The following KCTD13 variants were observed in gnomAD, a reference collection of about 807,000 sequenced individuals.
KCTD13 encodes BTB/POZ domain-containing adapter for CUL3-mediated RhoA degradation protein 1.
A neutral mutation model predicts 32.3 loss-of-function variants in KCTD13; 15 were observed. That is an observed-to-expected ratio of 0.46 (90% CI 0.31 to 0.71). The LOEUF (loss-of-function observed/expected upper bound fraction) is 0.71. Among genes scored for constraint, KCTD13 ranks in the 30% least tolerant of loss-of-function variants. The pLI is 0.05. For synonymous variants in KCTD13, 189 were observed against 200.1 expected, an observed-to-expected ratio of 0.94 and a Z score of 0.47; for missense variants, 337 against 452.6, an observed-to-expected ratio of 0.74 and a Z score of 2.32.
chr16:29,925,873 G>A lies in KCTD13; in HGVS notation c.161C>T (p.Thr54Ile). 8 of 1,614,100 alleles carry A rather than the reference G, an allele frequency of 5.0e-6. No homozygotes were observed. The highest frequency in any genetic ancestry group is 6.8e-6 in the Non-Finnish European group (8 of 1,179,986). Residue 54 changes from threonine to isoleucine, a missense_variant, in exon 1 of 6, where the codon ACC becomes ATC. By Grantham distance (89) the Thr-to-Ile change is moderately conservative. Around this residue, in one of 3 missense-constraint regions of KCTD13, gnomAD observed 21 missense variants for 52.7 expected, o/e 0.40. Transcript: ENST00000568000. ...KLNVGGSLHYTTLRTLTGQDT... is the reference protein window; with the variant it reads ...KLNVGGSLHYITLRTLTGQDT... ...CTGTCCCGTGAGGGTGCGCAGCGTG[G>A]TGTAGTGCAACGAGCCGCCCACGTT... is the stretch of plus-strand genomic sequence containing the variant.
intron 5 of KCTD13, among the ~76,000 whole-genome samples, chr16:29,909,353 A>G (rs1306203118): frequency 6.6e-6 from 1 of 152,244 alleles, no homozygotes; most frequent in Non-Finnish European, 1.5e-5. Flanking sequence ...ATAGAAGGAA[A>G]GAATTCCAAG....
chr16:29,910,059 T>C (rs889000351), intron 5 of KCTD13, among the ~76,000 whole-genome samples: 4 of 146,790 alleles, frequency 2.7e-5, no homozygotes, highest in Non-Finnish European at 4.5e-5. Flanking sequence ...GATCACACCA[T>C]TGCACTGCAG....
At chr16:29,919,689 C>CA (rs2068872897) in intron 2 of KCTD13, 1 of 151,980 alleles carries the variant, frequency 6.6e-6, no homozygotes, top group Non-Finnish European at 1.5e-5. Flanking sequence ...TTAACAACAA[C>CA]AAAAAACAGA....
At chr16:29,925,760 G>GA (rs5816505) in intron 1 of KCTD13, 30 bp downstream of exon 1, 847,241 of 1,601,152 alleles carry the variant, frequency 0.53, 227,259 homozygotes, top group Non-Finnish European at 0.55. Context: ...GGGGTCTGGG[G>GA]TGGGGGCACG....
chr16:29,926,116 G>A lies in KCTD13; in HGVS notation c.-83C>T, dbSNP rs997981880. The A allele has an allele frequency of 4.3e-6, 6 of 1,399,752 alleles. No individual in the cohort carries two copies. Among genetic ancestry groups the A allele is most frequent in the South Asian group, 1.5e-5 (1 of 65,410 alleles). 86.7% of individuals were successfully genotyped at this position (1,399,752 alleles called of 1,614,324 possible). The stretch of plus-strand genomic sequence containing the variant: ...CCCGAAGACCCTCGGCCGGCCCCCA[G>A]CCCTTGGGCCAGACCGCTCGGCGCA... On this transcript the variant is annotated 5_prime_UTR_variant, in exon 1 of 6. Coordinates refer to ENST00000568000, the MANE Select transcript of KCTD13 (RefSeq NM_178863.5).
intron 1 of KCTD13, among the ~76,000 whole-genome samples, chr16:29,923,849 C>T (rs990742938): frequency 1.3e-5 from 2 of 150,390 alleles, no homozygotes; most frequent in Admixed American, 6.6e-5. Flanking sequence ...AGGGAAACTC[C>T]GTCTCAAAAC....
chr16:29,924,522 A>G (rs1365530669), intron 1 of KCTD13, among the ~76,000 whole-genome samples: 1 of 152,172 alleles, frequency 6.6e-6, no homozygotes, highest in African/African-American at 2.4e-5. Context: ...AGAGCTTACT[A>G]TCAAAAAAAG....
chr16:29,922,941 G>T, intron 2 of KCTD13: 1 of 491,344 alleles, frequency 2.0e-6, no homozygotes, highest in South Asian at 4.2e-5. Context: ...CAGCTGGACT[G>T]GCTGCATAGG....
At chr16:29,925,496 AG>A (rs2150847884) in intron 1 of KCTD13, 1 of 468,332 alleles carries the variant, frequency 2.1e-6, no homozygotes, top group African/African-American at 2.0e-5. Context: ...AGGGTGGGAG[AG>A]GTGGTCATGA....
rs1374397633 is a variant in KCTD13, at chr16:29,911,008, A to G, written c.723T>C (p.Ile241=). 6.2e-7 allele frequency: 1 copy of G among 1,613,898 alleles called. No homozygotes were observed. The highest frequency in any genetic ancestry group is 1.3e-5 in the African/African-American group (1 of 74,868). The change falls in exon 5 of 6, where the codon ATT becomes ATC. Residue 241 remains isoleucine, a synonymous_variant. Coordinates refer to ENST00000568000, the MANE Select transcript of KCTD13 (RefSeq NM_178863.5). The part of the protein sequence containing the change: ...RKIAEVCCTS[I]VYATEKKQTK... ...TCTGCTTCTTCTCCGTAGCATAGAC[A>G]ATGGAGGTGCAGCACACCTCGGCGA... is the stretch of plus-strand genomic sequence containing the variant.
chr16:29,917,145 G>A (rs2068824201), intron 2 of KCTD13, among the ~76,000 whole-genome samples: 1 of 152,126 alleles, frequency 6.6e-6, no homozygotes. Flanking sequence ...TGGTGTGGGA[G>A]GGGACTGAAC....
At chr16:29,909,725 G>T (rs2068673101) in intron 5 of KCTD13, among the ~76,000 whole-genome samples, 1 of 147,736 alleles carries the variant, frequency 6.8e-6, no homozygotes, top group African/African-American at 2.5e-5. Context: ...GGCTCACTCT[G>T]TCTCCTAGGA....
rs1032009622 is a variant in KCTD13, at chr16:29,912,026, C to T, written c.438G>A (p.Pro146=). The change falls in exon 3 of 6, where the codon CCG becomes CCA. Residue 146 remains proline, a synonymous_variant. Coordinates refer to ENST00000568000, the MANE Select transcript of KCTD13 (RefSeq NM_178863.5). ...ATGTCACCATGGGGATGAGGCACAG[C>T]GGGGACAGCGTCTCCCTTTTTTGCT... ...ALQQKRETLS[P]LCLIPMVTSP... is the part of the protein sequence containing the mutation. 1.4e-5 allele frequency: 23 copies of T among 1,609,198 alleles called. No homozygotes were observed. The highest frequency in any genetic ancestry group is 3.3e-4 in the Middle Eastern group (2 of 6,054).
intron 2 of KCTD13, chr16:29,922,085 A>C (rs1215558036): frequency 6.6e-6 from 1 of 152,228 alleles, no homozygotes; most frequent in Non-Finnish European, 1.5e-5. Context: ...AATGGGTCCC[A>C]AACAGCATTA....
rs952809720 is a variant in KCTD13 at position 29,910,524 on chromosome 16, A to T, written c.753+454T>A. On this transcript the variant is annotated intron_variant, in intron 5 of 5. Coordinates refer to ENST00000568000, the MANE Select transcript of KCTD13 (RefSeq NM_178863.5). The stretch of plus-strand genomic sequence containing the variant: ...GTCACCAAGCCACCACACCTGGCTA[A>T]ATTTTTTGACTTCTTACAGAGATCA... 4.6e-5 allele frequency among the ~76,000 whole-genome samples: 7 copies of T among 151,996 alleles called. 1 individual carries two copies. The highest frequency in any genetic ancestry group is 3.3e-4 in the Admixed American group (5 of 15,240).
In KCTD13 at chr16:29,906,750, T is replaced by G; in HGVS notation, c.*122A>C. 2.6e-6 allele frequency: 2 copies of G among 775,348 alleles called. No individual in the cohort carries two copies. The highest frequency in any genetic ancestry group is 2.2e-6 in the Non-Finnish European group (1 of 463,046). 48.0% of individuals were successfully genotyped at this position (775,348 alleles called of 1,614,324 possible). A position where few individuals can be genotyped will look rare whatever the true frequency, so the allele number is the denominator to read the frequency against. On this transcript the variant is annotated 3_prime_UTR_variant, in exon 6 of 6. Coordinates refer to ENST00000568000, the MANE Select transcript of KCTD13 (RefSeq NM_178863.5). The stretch of plus-strand genomic sequence containing the variant: ...GGCCAAAGTGAGCTGTGCCATGCAA[T>G]GAAGGGACAGAGGAGGACCCACGAC...
At chr16:29,925,255 C>T (rs138553260) in intron 1 of KCTD13, among the ~76,000 whole-genome samples, 44 of 152,306 alleles carry the variant, frequency 2.9e-4, no homozygotes, top group African/African-American at 1.0e-3. Flanking sequence ...AAACCCAAAG[C>T]AGCCTCCTTC....
At chr16:29,911,570 C>T in intron 4 of KCTD13, 3 of 593,466 alleles carry the variant, frequency 5.1e-6, no homozygotes, top group Non-Finnish European at 6.0e-6. Context: ...AGAATGAGAG[C>T]ACTTGGGATA....
Position 29,906,413 on chromosome 16 carries a change from G to A in KCTD13, c.*459C>T, listed in dbSNP as rs2068613399. ...AAATAATATGAAACAGACTGATAACGCTGAGCTGGGCAGGCCCAGGCCAGT... is the reference window on the plus strand; with the variant it reads ...AAATAATATGAAACAGACTGATAACACTGAGCTGGGCAGGCCCAGGCCAGT... On this transcript the variant is annotated 3_prime_UTR_variant, in exon 6 of 6. Coordinates refer to ENST00000568000, the MANE Select transcript of KCTD13 (RefSeq NM_178863.5). 1 of 366,780 alleles carries A rather than the reference G, an allele frequency of 2.7e-6. No individual in the cohort carries two copies. Among genetic ancestry groups the A allele is most frequent in the Non-Finnish European group, 5.4e-6 (1 of 184,586 alleles). The allele number at this position is 366,780 out of a possible 1,614,324, so 22.7% of individuals were successfully genotyped here.
Sources: allele counts gnomAD v4.1 joint callset (sites outside exome capture counted in the v4.1 genomes callset), GRCh38; gene constraint gnomAD v4.1.1; regional missense constraint gnomAD v4.1.1; transcripts MANE v1.5; gene names NCBI Gene and HGNC (gene_info 2026-07-23, HGNC 2026-07-21).